Variants in ADGB observed in about 807,000 individuals in gnomAD.
ADGB encodes androglobin.
In ADGB, 172 loss-of-function variants were observed where a neutral mutation model predicts 210.5. That is an observed-to-expected ratio of 0.82 (90% CI 0.72 to 0.93). ADGB has a LOEUF of 0.93. Ranked by LOEUF, ADGB falls within the 40% of genes least tolerant of loss-of-function variation. ADGB has a pLI of 0.00. For missense variants in ADGB, 2,025 were observed against 1,964.8 expected (o/e 1.03, Z -0.58); for synonymous variants, 658 against 662.7 (o/e 0.99, Z 0.11).
chr6:146,612,487 C>T (rs1218319398), intron 1 of ADGB, among the ~76,000 whole-genome samples: 1 of 152,134 alleles, frequency 6.6e-6, no homozygotes, highest in Non-Finnish European at 1.5e-5. Flanking sequence ...ATGACCTCTC[C>T]CTCTCTTTTG....
intron 9 of ADGB, among the ~76,000 whole-genome samples, chr6:146,684,506 T>C (rs1776196222): frequency 6.6e-6 from 1 of 152,072 alleles, no homozygotes; most frequent in African/African-American, 2.4e-5. Flanking sequence ...AATGTGGGTA[T>C]CTCAAATGGT....
At chr6:146,750,779 T>G (rs1288684878) in intron 26 of ADGB, among the ~76,000 whole-genome samples, 1 of 152,094 alleles carries the variant, frequency 6.6e-6, no homozygotes, top group Non-Finnish European at 1.5e-5. Flanking sequence ...GTTTCCAAAC[T>G]ATTGGTGAGG....
chr6:146,661,820 A>T (rs1455035669), intron 5 of ADGB, among the ~76,000 whole-genome samples: 6 of 151,778 alleles, frequency 4.0e-5, no homozygotes, highest in Non-Finnish European at 7.4e-5. Flanking sequence ...TCTTTCCTTT[A>T]TCTGAGAATG....
intron 30 of ADGB, among the ~76,000 whole-genome samples, chr6:146,782,714 C>T (rs147842417): frequency 1.4e-3 from 207 of 152,076 alleles, no homozygotes; most frequent in African/African-American, 4.2e-3. Flanking sequence ...GGCCTTAAAG[C>T]GTCATTGGAA....
At chr6:146,776,686 A>C (rs1197836497) in intron 29 of ADGB, among the ~76,000 whole-genome samples, 1 of 152,188 alleles carries the variant, frequency 6.6e-6, no homozygotes, top group Non-Finnish European at 1.5e-5. Flanking sequence ...GTAGTAAGAC[A>C]AGAAAGCCCC....
Position 146,672,223 on chromosome 6 carries a change from G to A in ADGB, c.843G>A (p.Pro281=), listed in dbSNP as rs1328747734. The A allele has an allele frequency of 6.0e-6, 9 of 1,504,286 alleles. No homozygotes were observed. The Admixed American group carries it at 6.9e-5, about 11-fold the overall frequency. 93.2% of individuals were successfully genotyped at this position (1,504,286 alleles called of 1,614,324 possible). A position where few individuals can be genotyped will look rare whatever the true frequency, so the allele number is the denominator to read the frequency against. ...ATGTTTTTGTCTTTTCTCTTAGCCCGGGATATATGGACAAAGTTTGGGAGC... is the reference window on the plus strand; with the variant it reads ...ATGTTTTTGTCTTTTCTCTTAGCCCAGGATATATGGACAAAGTTTGGGAGC... ...GWLPEVISLH[P]GYMDKVWELL... The change falls in exon 8 of 36, where the codon CCG becomes CCA. Residue 281 remains proline, a synonymous_variant. Coordinates refer to ENST00000397944, the MANE Select transcript of ADGB (RefSeq NM_024694.4).
chr6:146,642,475 G>A (rs1775532023), intron 2 of ADGB, among the ~76,000 whole-genome samples: 1 of 151,928 alleles, frequency 6.6e-6, no homozygotes, highest in African/African-American at 2.4e-5. Flanking sequence ...CAAAAACATG[G>A]AAGCAACCTG....
chr6:146,691,500 A>ATATT (rs1257984997), intron 11 of ADGB, among the ~76,000 whole-genome samples: 12 of 13,642 alleles, frequency 8.8e-4, no homozygotes, highest in Non-Finnish European at 1.0e-3. Flanking sequence ...ATATATATAT[A>ATATT]TTTTTTTTTT....
intron 27 of ADGB, among the ~76,000 whole-genome samples, chr6:146,763,026 C>T (rs1213530138): frequency 6.6e-6 from 1 of 152,144 alleles, no homozygotes; most frequent in African/African-American, 2.4e-5. Flanking sequence ...GGTATCCTAC[C>T]TCAAATTTTA....
At chr6:146,619,356 A>G (rs552258461) in intron 1 of ADGB, among the ~76,000 whole-genome samples, 2 of 152,166 alleles carry the variant, frequency 1.3e-5, no homozygotes, top group South Asian at 4.1e-4. Flanking sequence ...TAATTTAATC[A>G]ATTTACATTC....
At chr6:146,764,732 T>C (rs1777547777) in intron 28 of ADGB, among the ~76,000 whole-genome samples, 1 of 152,204 alleles carries the variant, frequency 6.6e-6, no homozygotes. Context: ...GAAAGTTTCA[T>C]GATAGAATGT....
intron 10 of ADGB, among the ~76,000 whole-genome samples, chr6:146,689,965 A>C (rs778551750): frequency 1.3e-5 from 2 of 152,282 alleles, no homozygotes; most frequent in African/African-American, 2.4e-5. Context: ...AGAAAATGAC[A>C]GTTTCCTCCA....
At chr6:146,787,581 T>G (rs1240958136) in intron 32 of ADGB, among the ~76,000 whole-genome samples, 2 of 152,158 alleles carry the variant, frequency 1.3e-5, no homozygotes, top group African/African-American at 4.8e-5. Context: ...TTTAATAATA[T>G]TTTTAGGGAA....
In ADGB at chr6:146,701,040, C is replaced by T. The variant is rs1030497860; in HGVS notation, c.1677C>T (p.Asp559=). Residue 559 remains aspartate (D), a synonymous_variant, in exon 13 of 36, where the codon GAC becomes GAT. Transcript: ENST00000397944. ...AAACTGCAACACATAGCCAGACAGA[C>T]TTGAGTCAAATAACAAAAGCTACAT... ...TDETATHSQT[D]LSQITKATSQ... is the part of the protein sequence containing the mutation. 11 of 1,550,716 alleles carry T rather than the reference C, an allele frequency of 7.1e-6. No individual in the cohort carries two copies. Among genetic ancestry groups the T allele is most frequent in the Non-Finnish European group, 9.6e-6 (11 of 1,146,424 alleles).
At chr6:146,686,199 T>A (rs1299228441) in intron 10 of ADGB, among the ~76,000 whole-genome samples, 5 of 152,054 alleles carry the variant, frequency 3.3e-5, no homozygotes, top group Non-Finnish European at 7.4e-5. Flanking sequence ...ATAGGCCACA[T>A]GCGTTTTCTT....
chr6:146,736,926 T>A (rs1777087143), intron 23 of ADGB, among the ~76,000 whole-genome samples: 1 of 152,110 alleles, frequency 6.6e-6, no homozygotes. Context: ...ATGAAATCCT[T>A]GGAGGACAAC....
At position 146,788,681 on chromosome 6, in the gene ADGB, A is replaced by T; in HGVS notation, c.4537+71A>T. On this transcript the variant is annotated intron_variant, in intron 33 of 35. Coordinates refer to ENST00000397944, the MANE Select transcript of ADGB (RefSeq NM_024694.4). ...AAAATTATGGAAAAGATTTTAACTT[A>T]AACATCAGTGACGGCTAGGGCTATA... 2.2e-6 allele frequency: 3 copies of T among 1,376,834 alleles called. No individual in the cohort carries two copies. In the South Asian group the frequency reaches 3.8e-5, roughly 17 times the overall value. The allele number at this position is 1,376,834 out of a possible 1,614,324, so 85.3% of individuals were successfully genotyped here.
At chr6:146,700,807 G>T in intron 12 of ADGB, 134 bp from the exon 13 acceptor site, 3 of 991,550 alleles carry the variant, frequency 3.0e-6, no homozygotes, top group Non-Finnish European at 4.4e-6. Flanking sequence ...AAACATTACT[G>T]GTAGTAAAAG....
intron 3 of ADGB, among the ~76,000 whole-genome samples, chr6:146,650,859 G>A (rs1207316166): frequency 6.6e-6 from 1 of 152,150 alleles, no homozygotes; most frequent in Non-Finnish European, 1.5e-5. Flanking sequence ...CTGGAGAAAT[G>A]TCCTCAGACC....
Sources: allele counts gnomAD v4.1 joint callset (sites outside exome capture counted in the v4.1 genomes callset), GRCh38; gene constraint gnomAD v4.1.1; transcripts MANE v1.5; gene names NCBI Gene and HGNC (gene_info 2026-07-23, HGNC 2026-07-21).